The following SLC60A1 variants were observed in gnomAD, a reference collection of about 807,000 sequenced individuals.
SLC60A1 encodes solute carrier family 60 member 1.
the SLC60A1 span, chr1:205,569,282 G>T: frequency 6.5e-7 from 1 of 1,543,306 alleles, no homozygotes; most frequent in East Asian, 2.6e-5. Flanking sequence ...GCGCCCTCGG[G>T]GGCGTCTTCA....
chr1:205,587,341 G>A, the SLC60A1 span, among the ~76,000 whole-genome samples: 2 of 152,288 alleles, frequency 1.3e-5, no homozygotes, highest in South Asian at 4.1e-4. Flanking sequence ...ATTTCTAGCA[G>A]AGAGCGGGTT....
the SLC60A1 span, chr1:205,592,288 G>C: frequency 1.2e-6 from 2 of 1,611,460 alleles, no homozygotes; most frequent in Non-Finnish European, 1.7e-6. Context: ...CAGTACAAAG[G>C]TGAGGGCCGG....
the SLC60A1 span, among the ~76,000 whole-genome samples, chr1:205,574,195 C>T: frequency 0.11 from 16,507 of 151,712 alleles, 1,015 homozygotes; most frequent in Middle Eastern, 0.18. Context: ...ACCTGTAATT[C>T]CAGCACTTTG....
At chr1:205,592,384 A>AG in the SLC60A1 span, 1 of 1,162,636 alleles carries the variant, frequency 8.6e-7, no homozygotes, top group Non-Finnish European at 1.1e-6. Context: ...TTTTTTTTTT[A>AG]ATTTTATTAT....
the SLC60A1 span, among the ~76,000 whole-genome samples, chr1:205,588,242 C>T: frequency 2.0e-5 from 3 of 151,988 alleles, no homozygotes; most frequent in East Asian, 1.9e-4. Context: ...GAGGCCGAGG[C>T]GGGTGGATCA....
chr1:205,586,248 A>C, the SLC60A1 span: 1 of 1,606,388 alleles, frequency 6.2e-7, no homozygotes, highest in Non-Finnish European at 8.5e-7. Flanking sequence ...TGAGAGACCC[A>C]GGAGAAGCCG....
the SLC60A1 span, chr1:205,569,034 G>C: frequency 1.4e-6 from 2 of 1,387,614 alleles, no homozygotes; most frequent in Non-Finnish European, 1.9e-6. Flanking sequence ...CACCGGGCTC[G>C]CCGGGACCAG....
At chr1:205,590,243 A>G in the SLC60A1 span, among the ~76,000 whole-genome samples, 1 of 152,206 alleles carries the variant, frequency 6.6e-6, no homozygotes, top group African/African-American at 2.4e-5. Context: ...TGGAAGAGCC[A>G]GAAGAGAATC....
chr1:205,593,176 A>G, the SLC60A1 span, among the ~76,000 whole-genome samples: 6 of 152,088 alleles, frequency 3.9e-5, no homozygotes, highest in African/African-American at 7.2e-5. Flanking sequence ...CAGCATTAAG[A>G]TAAGCGATTT....
the SLC60A1 span, among the ~76,000 whole-genome samples, chr1:205,595,470 GC>G: frequency 6.6e-6 from 1 of 152,078 alleles, no homozygotes; most frequent in South Asian, 2.1e-4. Flanking sequence ...CTTTGACGTT[GC>G]CCCTGTCTCT....
chr1:205,588,163 T>G, the SLC60A1 span, among the ~76,000 whole-genome samples: 1 of 152,120 alleles, frequency 6.6e-6, no homozygotes, highest in African/African-American at 2.4e-5. Context: ...TCACTGGAGC[T>G]GCTTTTTGAA....
the SLC60A1 span, chr1:205,569,139 G>C: frequency 3.3e-6 from 5 of 1,534,846 alleles, no homozygotes; most frequent in Non-Finnish European, 4.4e-6. Context: ...CTACTGGAGC[G>C]TCTTCTTCAG....
the SLC60A1 span, among the ~76,000 whole-genome samples, chr1:205,574,274 T>C: frequency 1.3e-5 from 2 of 151,830 alleles, no homozygotes; most frequent in South Asian, 4.2e-4. Context: ...CAGTGAGACC[T>C]TGTCTCAAAA....
the SLC60A1 span, among the ~76,000 whole-genome samples, chr1:205,589,546 G>A: frequency 1.3e-5 from 2 of 152,022 alleles, no homozygotes; most frequent in East Asian, 1.9e-4. Flanking sequence ...TGAAGTAAAC[G>A]ACACTTATAC....
the SLC60A1 span, chr1:205,584,087 G>A: frequency 6.2e-7 from 1 of 1,614,042 alleles, no homozygotes; most frequent in Non-Finnish European, 8.5e-7. Flanking sequence ...GAAGGAAGAT[G>A]CCTCCTCACT....
chr1:205,584,969 T>A, the SLC60A1 span: 1 of 1,613,926 alleles, frequency 6.2e-7, no homozygotes, highest in South Asian at 1.1e-5. Flanking sequence ...GCCCTGGTAC[T>A]GTTCATGACG....
the SLC60A1 span, chr1:205,598,882 CAG>C: frequency 1.9e-6 from 1 of 523,612 alleles, no homozygotes; most frequent in Non-Finnish European, 3.4e-6. Context: ...TTCCAGAACA[CAG>C]AGCTGCAAGG....
At chr1:205,580,011 C>T in the SLC60A1 span, 3 of 1,523,242 alleles carry the variant, frequency 2.0e-6, no homozygotes, top group Admixed American at 3.8e-5. This position sits in a 1 kb window ranked among gnomAD's most constrained non-coding sequence, Gnocchi z 5.0. Flanking sequence ...TCCCTAGGCC[C>T]CCTCAGTCTC....
the SLC60A1 span, chr1:205,592,235 CA>C: frequency 9.9e-6 from 16 of 1,614,034 alleles, no homozygotes; most frequent in Non-Finnish European, 1.4e-5. Context: ...TGTTTCTCAG[CA>C]GCACCTTCCC....
Sources: gnomAD v4.1 joint callset for allele counts (sites outside exome capture counted in the v4.1 genomes callset) on GRCh38, gnomAD v4.1.1 for gene constraint, Gnocchi (gnomAD v3.1) non-coding constraint, MANE v1.5 for transcripts, NCBI Gene and HGNC (gene_info 2026-07-23, HGNC 2026-07-21) for gene names.